Variants in MAML2 observed in about 807,000 individuals in gnomAD.
MAML2 encodes mastermind like transcriptional coactivator 2, also known as mastermind-like protein 2.
In MAML2, 22 loss-of-function variants were observed where a neutral mutation model predicts 96.1. The ratio of observed to expected loss-of-function variants is 0.23; its 90% CI spans 0.16 to 0.33. The LOEUF (loss-of-function observed/expected upper bound fraction) is 0.33. Among genes scored for constraint, MAML2 ranks in the 10% least tolerant of loss-of-function variants. The probability of loss-of-function intolerance (pLI) is 1.00; values close to 1 mark genes in which losing one functional copy is unlikely to be tolerated. For missense variants in MAML2, 1,367 were observed against 1,392.4 expected (o/e 0.98, Z 0.29); for synonymous variants, 561 against 521.3 (o/e 1.08, Z -1.04).
At chr11:96,012,654 A>G (rs1858284259) in intron 2 of MAML2, among the ~76,000 whole-genome samples, 3 of 152,266 alleles carry the variant, frequency 2.0e-5, no homozygotes, top group Admixed American at 2.0e-4. Flanking sequence ...CAAAGACAGT[A>G]TAAGAAATTG....
chr11:96,183,766 G>C (rs550979016), intron 1 of MAML2, among the ~76,000 whole-genome samples: 1 of 152,072 alleles, frequency 6.6e-6, no homozygotes, highest in African/African-American at 2.4e-5. Flanking sequence ...CTGCAAAATT[G>C]TGAAGAAATT....
chr11:96,326,096 C>A (rs1313528092), intron 1 of MAML2, among the ~76,000 whole-genome samples: 1 of 85,130 alleles, frequency 1.2e-5, no homozygotes, highest in Non-Finnish European at 2.2e-5. Context: ...TCTACCCCGC[C>A]CCCCCCCCAT....
At chr11:95,982,834 C>T (rs1380091266) in intron 4 of MAML2, among the ~76,000 whole-genome samples, 1 of 152,106 alleles carries the variant, frequency 6.6e-6, no homozygotes, top group East Asian at 1.9e-4. Context: ...ATTCCTATGG[C>T]TGTATTTTAG....
At chr11:96,151,585 C>A (rs115535370) in intron 1 of MAML2, among the ~76,000 whole-genome samples, 1 of 152,136 alleles carries the variant, frequency 6.6e-6, no homozygotes, top group African/African-American at 2.4e-5. Flanking sequence ...TGGTTTAGCA[C>A]GAACTCCTCA....
At chr11:96,292,719 T>C (rs1863231153) in intron 1 of MAML2, among the ~76,000 whole-genome samples, 1 of 152,236 alleles carries the variant, frequency 6.6e-6, no homozygotes, top group Non-Finnish European at 1.5e-5. Context: ...AACAATAGAA[T>C]CTTTTTCTAA....
intron 2 of MAML2, among the ~76,000 whole-genome samples, chr11:96,056,769 C>A (rs1388613386): frequency 1.3e-5 from 2 of 152,210 alleles, no homozygotes; most frequent in Admixed American, 6.5e-5. Context: ...TAATTATCTT[C>A]CCAGTTCTCA....
intron 1 of MAML2, among the ~76,000 whole-genome samples, chr11:96,174,958 T>C (rs1202340987): frequency 2.6e-5 from 4 of 152,240 alleles, no homozygotes; most frequent in East Asian, 1.9e-4. Flanking sequence ...GGCATTGTTT[T>C]ATAATCGCCA....
chr11:96,153,948 A>T (rs1860969388), intron 1 of MAML2, among the ~76,000 whole-genome samples: 1 of 136,406 alleles, frequency 7.3e-6, no homozygotes, highest in African/African-American at 2.6e-5. Context: ...TAAATAAATA[A>T]ATATGATAAA....
intron 1 of MAML2, among the ~76,000 whole-genome samples, chr11:96,309,938 A>C (rs1480166702): frequency 6.6e-6 from 1 of 152,088 alleles, no homozygotes; most frequent in Non-Finnish European, 1.5e-5. Flanking sequence ...CCTGGACTCA[A>C]GCAGTCTACC....
chr11:96,229,435 C>T (rs1862259269), intron 1 of MAML2, among the ~76,000 whole-genome samples: 1 of 150,888 alleles, frequency 6.6e-6, no homozygotes, highest in African/African-American at 2.4e-5. Flanking sequence ...CCTGGAGCCC[C>T]AGGAAGCCCT....
intron 2 of MAML2, among the ~76,000 whole-genome samples, chr11:96,009,309 A>C (rs1251886214): frequency 6.6e-6 from 1 of 152,162 alleles, no homozygotes; most frequent in Non-Finnish European, 1.5e-5. Flanking sequence ...TTGATCTGAC[A>C]GCTGGGTTCA....
At chr11:96,119,945 C>T (rs927219842) in intron 1 of MAML2, among the ~76,000 whole-genome samples, 8 of 147,638 alleles carry the variant, frequency 5.4e-5, no homozygotes, top group Middle Eastern at 3.5e-3. Context: ...TATATATTTG[C>T]GAGAAGATTC....
intron 1 of MAML2, among the ~76,000 whole-genome samples, chr11:96,333,858 C>G (rs1031519044): frequency 3.9e-5 from 6 of 152,164 alleles, no homozygotes; most frequent in African/African-American, 1.4e-4. Context: ...GTAAGTTTGT[C>G]TATTTGGTTC....
intron 1 of MAML2, among the ~76,000 whole-genome samples, chr11:96,156,303 C>A (rs1861011021): frequency 6.6e-6 from 1 of 152,210 alleles, no homozygotes. Context: ...CCCTCACACA[C>A]CAGAGGTTCA....
chr11:96,334,222 G>C (rs1358873227), intron 1 of MAML2, among the ~76,000 whole-genome samples: 1 of 152,170 alleles, frequency 6.6e-6, no homozygotes, highest in Non-Finnish European at 1.5e-5. Context: ...TCCTCTAAAT[G>C]TCTGATGCAT....
At chr11:96,065,568 A>G (rs1436819489) in intron 2 of MAML2, among the ~76,000 whole-genome samples, 3 of 152,226 alleles carry the variant, frequency 2.0e-5, no homozygotes, top group African/African-American at 7.2e-5. Flanking sequence ...AGTATTCATA[A>G]AGGATGATCC....
At chr11:96,252,134 C>T (rs537484248) in intron 1 of MAML2, among the ~76,000 whole-genome samples, 21 of 151,994 alleles carry the variant, frequency 1.4e-4, no homozygotes, top group Non-Finnish European at 2.9e-4. Context: ...CATAAAATTA[C>T]ACTCGTTATG....
chr11:96,255,865 CTT>C (rs141609329), intron 1 of MAML2, among the ~76,000 whole-genome samples: 1,609 of 77,772 alleles, frequency 0.021, 4 homozygotes, highest in African/African-American at 0.051. Flanking sequence ...CCCCCACCGC[CTT>C]TTTTTTTTTT....
chr11:96,248,113 CTTT>C (rs35775102), intron 1 of MAML2, among the ~76,000 whole-genome samples: 1 of 132,234 alleles, frequency 7.6e-6, no homozygotes. Flanking sequence ...TGTTTTTTTA[CTTT>C]TTTTTTTTTT....
Sources: gnomAD v4.1 joint callset for allele counts (sites outside exome capture counted in the v4.1 genomes callset) on GRCh38, gnomAD v4.1.1 for gene constraint, MANE v1.5 for transcripts, NCBI Gene and HGNC (gene_info 2026-07-23, HGNC 2026-07-21) for gene names.